Variants in GNB1 observed in about 807,000 individuals in gnomAD.
GNB1 encodes G protein subunit beta 1.
GNB1 carries 2 observed loss-of-function variants against 42.9 expected under a neutral mutation model. The ratio of observed to expected loss-of-function variants is 0.05; its 90% CI spans 0.02 to 0.15. The LOEUF (loss-of-function observed/expected upper bound fraction) is 0.15. Among genes scored for constraint, GNB1 ranks in the 10% least tolerant of loss-of-function variants. GNB1 has a pLI of 1.00. For missense variants in GNB1, 193 were observed against 462.2 expected (o/e 0.42, Z 5.34); for synonymous variants, 183 against 174.7 (o/e 1.05, Z -0.38).
chr1:1,842,239 G>A (rs1251376714), intron 1 of GNB1, among the ~76,000 whole-genome samples: 1 of 152,188 alleles, frequency 6.6e-6, no homozygotes, highest in African/African-American at 2.4e-5. Context: ...GACCATCCTG[G>A]CTAACACGGT....
chr1:1,868,510 C>T (rs1293507401), intron 1 of GNB1, among the ~76,000 whole-genome samples: 3 of 152,160 alleles, frequency 2.0e-5, no homozygotes. Flanking sequence ...TAGCCGGGCA[C>T]AGTTGCTCAC....
intron 7 of GNB1, among the ~76,000 whole-genome samples, chr1:1,801,849 C>T (rs751963680): frequency 1.3e-5 from 2 of 152,154 alleles, no homozygotes; most frequent in African/African-American, 2.4e-5. Context: ...AACAATGATG[C>T]GAGGTCTGTA....
At chr1:1,822,469 C>T (rs976045844) in intron 3 of GNB1, among the ~76,000 whole-genome samples, 4 of 152,028 alleles carry the variant, frequency 2.6e-5, no homozygotes, top group Non-Finnish European at 5.9e-5. Context: ...CCACACCTGG[C>T]TAATTTTTTT....
intron 7 of GNB1, among the ~76,000 whole-genome samples, chr1:1,798,380 C>T (rs898131358): frequency 2.0e-5 from 3 of 152,222 alleles, no homozygotes; most frequent in South Asian, 2.1e-4. Flanking sequence ...GAAAAAAATC[C>T]GCTATTTTCA....
chr1:1,846,929 G>T (rs1647699596), intron 1 of GNB1, among the ~76,000 whole-genome samples: 1 of 152,032 alleles, frequency 6.6e-6, no homozygotes, highest in Non-Finnish European at 1.5e-5. Flanking sequence ...TTAGAAAGAG[G>T]GTTGGCTTAA....
intron 1 of GNB1, among the ~76,000 whole-genome samples, chr1:1,886,406 C>G (rs1290042772): frequency 6.6e-6 from 1 of 152,196 alleles, no homozygotes; most frequent in African/African-American, 2.4e-5. Context: ...AGTTCTAGAA[C>G]AAAATGCATA....
chr1:1,843,216 TATC>T (rs1242479119), intron 1 of GNB1, among the ~76,000 whole-genome samples: 2 of 152,148 alleles, frequency 1.3e-5, no homozygotes, highest in Non-Finnish European at 2.9e-5. Context: ...TGCTCTATTT[TATC>T]ATTATTAATT....
At chr1:1,878,476 A>G (rs140651046) in intron 1 of GNB1, among the ~76,000 whole-genome samples, 2 of 152,000 alleles carry the variant, frequency 1.3e-5, no homozygotes, top group African/African-American at 4.8e-5. Flanking sequence ...CTTTTCCCAG[A>G]TGTCTGTCTG....
At chr1:1,883,149 G>A (rs771277639) in intron 1 of GNB1, among the ~76,000 whole-genome samples, 10 of 151,858 alleles carry the variant, frequency 6.6e-5, no homozygotes, top group Admixed American at 2.6e-4. Context: ...GCATGTGCCC[G>A]TGGTCCTAGC....
At chr1:1,829,628 T>C (rs1474149177) in intron 2 of GNB1, among the ~76,000 whole-genome samples, 1 of 152,212 alleles carries the variant, frequency 6.6e-6, no homozygotes, top group African/African-American at 2.4e-5. Flanking sequence ...CAGTGGCTCT[T>C]AGTTCATCTT....
chr1:1,789,305 C>T (rs367821825), intron 9 of GNB1, 36 bp from the exon 10 acceptor site: 13 of 1,205,952 alleles, frequency 1.1e-5, no homozygotes, highest in Admixed American at 5.2e-5. Context: ...ATCATGTAAA[C>T]GCTCAGAAAG....
chr1:1,822,590 C>G (rs1379622330), intron 3 of GNB1, among the ~76,000 whole-genome samples: 2 of 152,126 alleles, frequency 1.3e-5, no homozygotes, highest in East Asian at 3.9e-4. Flanking sequence ...GCTGGGATTA[C>G]AGGCGTCAGC....
At chr1:1,875,669 C>T (rs1458488615) in intron 1 of GNB1, among the ~76,000 whole-genome samples, 6 of 152,126 alleles carry the variant, frequency 3.9e-5, no homozygotes, top group Admixed American at 1.3e-4. Context: ...CCACTGCATC[C>T]GGCCCCTTTT....
intron 2 of GNB1, among the ~76,000 whole-genome samples, chr1:1,828,039 G>A (rs369162705): frequency 5.9e-5 from 9 of 152,058 alleles, no homozygotes; most frequent in African/African-American, 1.7e-4. Context: ...ATGATGTTCC[G>A]GCTGGGGGCG....
intron 1 of GNB1, among the ~76,000 whole-genome samples, chr1:1,859,172 C>A (rs1157755235): frequency 6.6e-6 from 1 of 152,048 alleles, no homozygotes; most frequent in Non-Finnish European, 1.5e-5. Context: ...GAGGCATGCA[C>A]CACAAAGCCC....
intron 2 of GNB1, among the ~76,000 whole-genome samples, chr1:1,833,654 TAC>T (rs1016638299): frequency 2.0e-5 from 3 of 152,148 alleles, no homozygotes; most frequent in African/African-American, 7.2e-5. Context: ...GCTGGGAGCG[TAC>T]ACAGTCACTG....
chr1:1,797,008 G>A (rs564667323), intron 7 of GNB1, among the ~76,000 whole-genome samples: 7 of 152,274 alleles, frequency 4.6e-5, no homozygotes, highest in Admixed American at 2.6e-4. Context: ...GAAAGGAGCA[G>A]ATCACCAGGC....
At chr1:1,810,772 A>G (rs1226648664) in intron 5 of GNB1, among the ~76,000 whole-genome samples, 1 of 150,894 alleles carries the variant, frequency 6.6e-6, no homozygotes, top group Non-Finnish European at 1.5e-5. Context: ...GGTTCAAGCG[A>G]TTATCCTGCC....
At chr1:1,852,144 C>T (rs1054408280) in intron 1 of GNB1, among the ~76,000 whole-genome samples, 1 of 149,534 alleles carries the variant, frequency 6.7e-6, no homozygotes, top group African/African-American at 2.6e-5. Flanking sequence ...AGGAGCCAGG[C>T]GTGGTGGCTC....
Sources: gnomAD v4.1 joint callset for allele counts (sites outside exome capture counted in the v4.1 genomes callset) on GRCh38, gnomAD v4.1.1 for gene constraint, MANE v1.5 for transcripts, NCBI Gene and HGNC (gene_info 2026-07-23, HGNC 2026-07-21) for gene names.